CNTNAP4: variants seen among roughly 807,000 people sequenced by gnomAD.
CNTNAP4 encodes contactin associated protein family member 4.
A neutral mutation model predicts 148.4 loss-of-function variants in CNTNAP4; 98 were observed. That is an observed-to-expected ratio of 0.66 (90% CI 0.56 to 0.78). CNTNAP4 has a LOEUF of 0.78. Among genes scored for constraint, CNTNAP4 ranks in the 30% least tolerant of loss-of-function variants. CNTNAP4 has a pLI of 0.00. For missense variants in CNTNAP4, 1,935 were observed against 1,565.6 expected, an observed-to-expected ratio of 1.24 and a Z score of -3.98; for synonymous variants, 730 against 565.1, an observed-to-expected ratio of 1.29 and a Z score of -4.14.
At chr16:76,321,370 T>C (rs766731542) in intron 2 of CNTNAP4, among the ~76,000 whole-genome samples, 1 of 152,238 alleles carries the variant, frequency 6.6e-6, no homozygotes. Flanking sequence ...TATGCTTCAT[T>C]AAATCTTCCA....
chr16:76,422,663 C>T (rs1187967239), intron 3 of CNTNAP4, among the ~76,000 whole-genome samples: 1 of 152,212 alleles, frequency 6.6e-6, no homozygotes, highest in East Asian at 1.9e-4. Context: ...TAAATCCTTG[C>T]TCTGCCACTT....
At chr16:76,335,679 T>C (rs1463455315) in intron 2 of CNTNAP4, among the ~76,000 whole-genome samples, 2 of 152,202 alleles carry the variant, frequency 1.3e-5, no homozygotes, top group Non-Finnish European at 2.9e-5. Context: ...GAGAAAAGAC[T>C]GCCTGAACAA....
At chr16:76,491,108 C>T (rs1348860184) in intron 13 of CNTNAP4, among the ~76,000 whole-genome samples, 3 of 152,176 alleles carry the variant, frequency 2.0e-5, no homozygotes, top group Non-Finnish European at 4.4e-5. Context: ...ATTTTCTCCC[C>T]TGTGACTGAC....
chr16:76,499,563 A>ATTT (rs1216535599), intron 15 of CNTNAP4, among the ~76,000 whole-genome samples: 6 of 151,216 alleles, frequency 4.0e-5, no homozygotes, highest in Non-Finnish European at 8.8e-5. Flanking sequence ...TTATTTATTT[A>ATTT]TTTATTTTAG....
intron 4 of CNTNAP4, among the ~76,000 whole-genome samples, chr16:76,432,242 C>A (rs1237275265): frequency 2.0e-5 from 3 of 152,114 alleles, no homozygotes; most frequent in African/African-American, 7.2e-5. Flanking sequence ...CAAGCCTATC[C>A]TGTGATTATT....
At chr16:76,545,847 C>G (rs1597126140) in intron 21 of CNTNAP4, among the ~76,000 whole-genome samples, 1 of 152,068 alleles carries the variant, frequency 6.6e-6, no homozygotes, top group South Asian at 2.1e-4. Context: ...ATCATCCTGG[C>G]TAACACGGTG....
rs369379046 is a variant in CNTNAP4, at chr16:76,319,776, T to TAGAA, written c.196+3265_196+3268dup. On this transcript the variant is annotated intron_variant, in intron 2 of 23. Coordinates refer to ENST00000611870, the MANE Select transcript of CNTNAP4 (RefSeq NM_033401.5). ...AGGATTGCCAGCAACCATCAGAAGT[T>TAGAA]AGAAAGAAAGAAAGAGGGGTTCTTC... Among the ~76,000 whole-genome samples the TAGAA allele has an allele frequency of 6.1e-3, 935 of 152,200 alleles. 11 individuals carry two copies. Among genetic ancestry groups the TAGAA allele is most frequent in the Admixed American group, 0.011 (162 of 15,272 alleles).
chr16:76,432,809 T>C (rs1309344454), intron 4 of CNTNAP4, among the ~76,000 whole-genome samples: 1 of 152,146 alleles, frequency 6.6e-6, no homozygotes, highest in African/African-American at 2.4e-5. Flanking sequence ...CCTATGATCA[T>C]CTCTTCCTCA....
chr16:76,467,237 C>G, intron 9 of CNTNAP4, 115 bp from the exon 10 acceptor site: 3 of 891,300 alleles, frequency 3.4e-6, no homozygotes, highest in South Asian at 3.5e-5. Flanking sequence ...TTATTCCCTC[C>G]TTTAATACAG....
intron 3 of CNTNAP4, among the ~76,000 whole-genome samples, chr16:76,382,581 A>G (rs181799575): frequency 1.3e-5 from 2 of 152,358 alleles, no homozygotes; most frequent in African/African-American, 4.8e-5. Flanking sequence ...TTAAGTAGAT[A>G]TCATATAACC....
chr16:76,455,212 C>T (rs1262558628), intron 8 of CNTNAP4, among the ~76,000 whole-genome samples: 1 of 152,148 alleles, frequency 6.6e-6, no homozygotes, highest in African/African-American at 2.4e-5. Context: ...ATGAGCAGTA[C>T]AGTTTTATGT....
chr16:76,553,308 T>C lies in CNTNAP4; in HGVS notation c.3468T>C (p.Thr1156=), dbSNP rs768022115. The C allele has an allele frequency of 5.6e-6, 9 of 1,610,142 alleles. No individual in the cohort carries two copies. The African/African-American group carries it at 6.7e-5, about 12-fold the overall frequency. The change falls in exon 22 of 24, where the codon ACT becomes ACC. Residue 1156 remains threonine, a synonymous_variant. Coordinates refer to ENST00000611870, the MANE Select transcript of CNTNAP4 (RefSeq NM_033401.5). ...AACACAGTGATGTGGACCAGGATAC[T>C]GCACTGGCAGGTGCGCAGGGCTTCA... ...ILEHSDVDQD[T]ALAGAQGFTG... is the part of the protein sequence containing the mutation.
chr16:76,551,664 A>T (rs2084957313), intron 21 of CNTNAP4, among the ~76,000 whole-genome samples: 1 of 152,102 alleles, frequency 6.6e-6, no homozygotes, highest in Non-Finnish European at 1.5e-5. Context: ...TAACTGTTCC[A>T]TTTGTGTGAC....
intron 15 of CNTNAP4, among the ~76,000 whole-genome samples, chr16:76,506,206 G>C (rs1215810101): frequency 2.1e-5 from 2 of 96,186 alleles, no homozygotes; most frequent in African/African-American, 5.2e-5. Flanking sequence ...ATTTATTTTT[G>C]AGGAACCATC....
At chr16:76,420,641 C>G (rs1490774062) in intron 3 of CNTNAP4, among the ~76,000 whole-genome samples, 1 of 151,778 alleles carries the variant, frequency 6.6e-6, no homozygotes, top group Admixed American at 6.6e-5. Context: ...AATTTTGTCC[C>G]TAACCCCATG....
intron 3 of CNTNAP4, among the ~76,000 whole-genome samples, chr16:76,374,760 T>TATTAG (rs1567908818): frequency 0.028 from 2,002 of 72,452 alleles, 43 homozygotes; most frequent in African/African-American, 0.071. Flanking sequence ...ATTATTATTA[T>TATTAG]TATTATTATT....
In CNTNAP4 at chr16:76,400,446, C is replaced by T. The variant is rs984747409; in HGVS notation, c.391-27006C>T. The stretch of plus-strand genomic sequence containing the variant: ...TTCCTTACAGATGCTGGATATTAGG[C>T]TTCTGTCTGATGCATAGTTTGCACA... On this transcript the variant is annotated intron_variant, in intron 3 of 23. Coordinates refer to ENST00000611870, the MANE Select transcript of CNTNAP4 (RefSeq NM_033401.5). 6.6e-5 allele frequency among the ~76,000 whole-genome samples: 10 copies of T among 152,062 alleles called. 1 individual carries two copies. The highest frequency in any genetic ancestry group is 2.0e-4 in the Admixed American group (3 of 15,254).
chr16:76,482,104 G>T (rs1383740547), intron 12 of CNTNAP4, among the ~76,000 whole-genome samples: 2 of 151,916 alleles, frequency 1.3e-5, no homozygotes, highest in African/African-American at 4.8e-5. Flanking sequence ...CCTGGGTTAG[G>T]GAATGCTTCT....
intron 17 of CNTNAP4, among the ~76,000 whole-genome samples, chr16:76,527,391 G>C (rs1045783779): frequency 6.6e-6 from 1 of 152,048 alleles, no homozygotes; most frequent in South Asian, 2.1e-4. Flanking sequence ...TGATTTTCTG[G>C]TTACAGTTTT....
Sources: gnomAD v4.1 joint callset for allele counts (sites outside exome capture counted in the v4.1 genomes callset) on GRCh38, gnomAD v4.1.1 for gene constraint, MANE v1.5 for transcripts, NCBI Gene and HGNC (gene_info 2026-07-23, HGNC 2026-07-21) for gene names.